BACH2: variants seen among roughly 807,000 people sequenced by gnomAD.
BACH2 encodes transcription regulator protein BACH2.
BACH2 carries 5 observed loss-of-function variants against 61.8 expected under a neutral mutation model. The ratio of observed to expected loss-of-function variants is 0.08; its 90% CI spans 0.04 to 0.17. The LOEUF is 0.17. BACH2 is among the 10% of genes least tolerant of loss of function. The pLI is 1.00. For synonymous variants in BACH2, 446 were observed against 440.1 expected (o/e 1.01, Z -0.17); for missense variants, 824 against 1,091.1 (o/e 0.76, Z 3.45).
chr6:90,260,929 T>C (rs1281974935), intron 2 of BACH2, among the ~76,000 whole-genome samples: 1 of 152,138 alleles, frequency 6.6e-6, no homozygotes, highest in Non-Finnish European at 1.5e-5. Context: ...ACTGGAAAAG[T>C]CCTGTGTCCC....
At chr6:90,155,670 ATCC>A (rs1276691802) in intron 4 of BACH2, among the ~76,000 whole-genome samples, 1 of 152,226 alleles carries the variant, frequency 6.6e-6, no homozygotes, top group African/African-American at 2.4e-5. Context: ...GCCTCTTCCT[ATCC>A]CCAAATTGGC....
At chr6:90,204,129 C>T (rs2127848681) in intron 4 of BACH2, among the ~76,000 whole-genome samples, 1 of 152,246 alleles carries the variant, frequency 6.6e-6, no homozygotes, top group Non-Finnish European at 1.5e-5. Context: ...CCCTAGAACG[C>T]CAGGGCCACC....
rs1774027621 is a variant in BACH2, at chr6:89,950,649, A to G, written c.1457T>C (p.Met486Thr). 6.2e-7 allele frequency: 1 copy of G among 1,614,172 alleles called. No homozygotes were observed. The highest frequency in any genetic ancestry group is 8.5e-7 in the Non-Finnish European group (1 of 1,180,032). ...CATCCTTCCTGGCAAGTGGTCGGCC[A>G]TCAGCCCACCGTGGGAGTAGGCCTG... ...SSQAYSHGGL[M>T]ADHLPGRMRP... The change falls in exon 7 of 9, where the codon ATG becomes ACG. Residue 486 changes from methionine to threonine, a missense_variant. Physicochemically the swap from Met to Thr is moderately conservative, Grantham distance 81 (BLOSUM62 -1). Around this residue, in one of 8 missense-constraint regions of BACH2, gnomAD observed 102 missense variants for 98.1 expected, o/e 1.04. Transcript: ENST00000257749. This position sits in a 1 kb window ranked among gnomAD's most constrained non-coding sequence, Gnocchi z 5.3.
chr6:89,998,068 G>GT (rs1178166645), intron 6 of BACH2, among the ~76,000 whole-genome samples: 1 of 152,146 alleles, frequency 6.6e-6, no homozygotes, highest in Non-Finnish European at 1.5e-5. Context: ...AATGAAATAG[G>GT]TATTTCTTCA....
chr6:90,143,761 C>T (rs769048047), intron 4 of BACH2, among the ~76,000 whole-genome samples: 2 of 152,092 alleles, frequency 1.3e-5, no homozygotes, highest in African/African-American at 4.8e-5. Context: ...CTGAGGGCTG[C>T]CCCCATTGGT....
At chr6:90,245,068 G>A (rs1028452761) in intron 3 of BACH2, among the ~76,000 whole-genome samples, 2 of 151,832 alleles carry the variant, frequency 1.3e-5, no homozygotes, top group African/African-American at 2.4e-5. Context: ...GTGGTGGCAG[G>A]TGCCTGTAAT....
At chr6:90,296,155 G>A (rs1030288057) in intron 1 of BACH2, among the ~76,000 whole-genome samples, 2 of 152,054 alleles carry the variant, frequency 1.3e-5, no homozygotes, top group Admixed American at 1.3e-4. Flanking sequence ...ATTACTCTCT[G>A]CTCCTCCTCC....
At chr6:90,178,776 A>G (rs938865650) in intron 4 of BACH2, among the ~76,000 whole-genome samples, 1 of 152,212 alleles carries the variant, frequency 6.6e-6, no homozygotes, top group Non-Finnish European at 1.5e-5. Context: ...TGGGCACAAA[A>G]TGCAGAGGAG....
At chr6:90,167,465 C>T (rs540951045) in intron 4 of BACH2, among the ~76,000 whole-genome samples, 41 of 152,248 alleles carry the variant, frequency 2.7e-4, no homozygotes, top group African/African-American at 9.4e-4. Flanking sequence ...AAGCAATTCT[C>T]CTGCTTCAGC....
At chr6:90,264,285 G>A (rs1046934227) in intron 2 of BACH2, among the ~76,000 whole-genome samples, 6 of 152,122 alleles carry the variant, frequency 3.9e-5, no homozygotes, top group African/African-American at 1.4e-4. Flanking sequence ...TGATGCTGAG[G>A]TCTTCAGGGA....
chr6:90,096,386 C>A (rs973090206), intron 4 of BACH2, among the ~76,000 whole-genome samples: 1 of 152,178 alleles, frequency 6.6e-6, no homozygotes, highest in African/African-American at 2.4e-5. Flanking sequence ...TCTGTCCTCT[C>A]CCAAACAGCT....
At chr6:90,240,755 G>T (rs910813975) in intron 3 of BACH2, among the ~76,000 whole-genome samples, 9 of 151,914 alleles carry the variant, frequency 5.9e-5, no homozygotes, top group Non-Finnish European at 8.8e-5. Flanking sequence ...ACCCTCCTAG[G>T]GACCAAATTC....
intron 4 of BACH2, among the ~76,000 whole-genome samples, chr6:90,197,294 G>T (rs1397627824): frequency 2.0e-5 from 3 of 152,102 alleles, no homozygotes; most frequent in Non-Finnish European, 2.9e-5. Flanking sequence ...AAACTGGATT[G>T]GAAGCAATCA....
Position 90,074,506 on chromosome 6 carries a change from C to T in BACH2, c.-13+14455G>A, listed in dbSNP as rs60279740. 5.8e-3 allele frequency among the ~76,000 whole-genome samples: 882 copies of T among 152,212 alleles called. 50 individuals carry two copies. The East Asian group carries it at 0.13, about 23-fold the overall frequency. On this transcript the variant is annotated intron_variant, in intron 5 of 8. Coordinates refer to ENST00000257749, the MANE Select transcript of BACH2 (RefSeq NM_021813.4). ...AGTGCTCACATTAAGGGGTTGACTT[C>T]TGACAAGTCAAGGTCTACAGAAAAG...
intron 5 of BACH2, among the ~76,000 whole-genome samples, chr6:90,076,240 T>C (rs1410924229): frequency 6.6e-6 from 1 of 152,134 alleles, no homozygotes; most frequent in Non-Finnish European, 1.5e-5. Context: ...AAGAAATGCA[T>C]TATGTTACCG....
chr6:90,262,201 T>C (rs1474611195), intron 2 of BACH2, among the ~76,000 whole-genome samples: 4 of 152,238 alleles, frequency 2.6e-5, no homozygotes. Context: ...ATGAAGTTAT[T>C]TGAAATTCAT....
chr6:90,082,956 A>G (rs575257794), intron 5 of BACH2, among the ~76,000 whole-genome samples: 10 of 152,324 alleles, frequency 6.6e-5, no homozygotes, highest in South Asian at 4.1e-4. Flanking sequence ...AAGCACCGCA[A>G]GGACTCTAAA....
chr6:90,144,977 T>C (rs757134172), intron 4 of BACH2, among the ~76,000 whole-genome samples: 14 of 152,130 alleles, frequency 9.2e-5, no homozygotes, highest in Non-Finnish European at 2.1e-4. Flanking sequence ...AAATCACTAA[T>C]AAAAAAGGAT....
intron 6 of BACH2, among the ~76,000 whole-genome samples, chr6:89,972,030 G>A (rs1308205694): frequency 1.3e-5 from 2 of 152,228 alleles, no homozygotes; most frequent in African/African-American, 4.8e-5. Context: ...TTTTGGGTGG[G>A]AGCTGGTGTT....
Sources: allele counts gnomAD v4.1 joint callset (sites outside exome capture counted in the v4.1 genomes callset), GRCh38; gene constraint gnomAD v4.1.1; regional missense constraint gnomAD v4.1.1; non-coding constraint Gnocchi (gnomAD v3.1); transcripts MANE v1.5; gene names NCBI Gene and HGNC (gene_info 2026-07-23, HGNC 2026-07-21).